Variants in FECH observed in about 807,000 individuals in gnomAD.
FECH encodes ferrochelatase, mitochondrial.
Under a neutral mutation model 56.9 loss-of-function variants are expected in FECH, and 40 were observed. The ratio of observed to expected loss-of-function variants is 0.70; its 90% CI spans 0.55 to 0.92. The LOEUF (loss-of-function observed/expected upper bound fraction) is 0.92. Among genes scored for constraint, FECH ranks in the 40% least tolerant of loss-of-function variants. The pLI, the probability that FECH is intolerant of heterozygous loss-of-function variation, is 0.00. For missense variants in FECH, 431 were observed against 529.1 expected, an observed-to-expected ratio of 0.81 and a Z score of 1.82; for synonymous variants, 175 against 198.6, an observed-to-expected ratio of 0.88 and a Z score of 1.00.
chr18:57,553,764 T>C (rs1790611), intron 9 of FECH, among the ~76,000 whole-genome samples: 91,206 of 151,998 alleles, frequency 0.6, 27,533 homozygotes, highest in South Asian at 0.63. Flanking sequence ...GGAAATCACA[T>C]CACACATTGC....
intron 5 of FECH, among the ~76,000 whole-genome samples, chr18:57,565,954 G>A (rs1303243614): frequency 6.6e-6 from 1 of 152,134 alleles, no homozygotes; most frequent in Admixed American, 6.6e-5. Flanking sequence ...TTCTGCAAAG[G>A]GAACCCCAAA....
rs663774 is a variant in FECH at position 57,546,149 on chromosome 18, C to A, written c.*4563G>T. Among the ~76,000 whole-genome samples the A allele has an allele frequency of 0.77, 117,666 of 152,132 alleles. 47,363 individuals carry two copies. The highest frequency in any genetic ancestry group is 0.92 in the East Asian group (4,754 of 5,180). On this transcript the variant is annotated 3_prime_UTR_variant, in exon 11 of 11. Transcript: ENST00000262093. ...CCATTTCCACCTAACGTTAGGAGCC[C>A]TGTTCCTGGGCCACCTTCAGGATTC... is the stretch of plus-strand genomic sequence containing the variant.
chr18:57,586,674 G>A lies in FECH; in HGVS notation c.-54C>T. On this transcript the variant is annotated 5_prime_UTR_variant, in exon 1 of 11. Coordinates refer to ENST00000262093, the MANE Select transcript of FECH (RefSeq NM_000140.5). ...GCTCCTCCCGCGGCGGCGCGCCCAG[G>A]TGTCCGCCCAGCAGTGGCCGAGCCG... The A allele has an allele frequency of 1.4e-6, 2 of 1,465,642 alleles. No homozygotes were observed. Among genetic ancestry groups the A allele is most frequent in the Non-Finnish European group, 1.8e-6 (2 of 1,107,046 alleles). 90.8% of individuals were successfully genotyped at this position (1,465,642 alleles called of 1,614,324 possible).
At chr18:57,566,128 A>G (rs557109124) in intron 5 of FECH, among the ~76,000 whole-genome samples, 9 of 152,330 alleles carry the variant, frequency 5.9e-5, no homozygotes, top group African/African-American at 1.7e-4. Flanking sequence ...AGCCATAAAA[A>G]GGTTTATCAC....
intron 9 of FECH, among the ~76,000 whole-genome samples, chr18:57,553,116 A>G (rs370013793): frequency 4.1e-4 from 63 of 152,326 alleles, no homozygotes; most frequent in African/African-American, 1.3e-3. Flanking sequence ...ATTTCCAAAC[A>G]TATTGGTATA....
Position 57,546,272 on chromosome 18 carries a change from A to G in FECH, c.*4440T>C, listed in dbSNP as rs953668077. Among the ~76,000 whole-genome samples, 23 of 152,190 alleles carry G rather than the reference A, an allele frequency of 1.5e-4. No homozygotes were observed. Among genetic ancestry groups the G allele is most frequent in the Non-Finnish European group, 4.4e-5 (3 of 68,038 alleles). ...CCTTCACGTGCCCCCGTGCGCACACATAGACGTTCGCTTACAGCTGCCAGC... is the reference window on the plus strand; with the variant it reads ...CCTTCACGTGCCCCCGTGCGCACACGTAGACGTTCGCTTACAGCTGCCAGC... On this transcript the variant is annotated 3_prime_UTR_variant, in exon 11 of 11. Coordinates refer to ENST00000262093, the MANE Select transcript of FECH (RefSeq NM_000140.5).
At chr18:57,571,949 CT>C (rs2051116680) in intron 3 of FECH, among the ~76,000 whole-genome samples, 1 of 152,234 alleles carries the variant, frequency 6.6e-6, no homozygotes, top group African/African-American at 2.4e-5. Flanking sequence ...TATAGATACA[CT>C]TGCATATAGG....
In FECH at chr18:57,580,189, G is replaced by T; in HGVS notation, c.78C>A (p.Ser26Arg). ...TCCATGGCTGACAGACCCTCCAGCT[G>T]CTGGATGCCACTGTGACAAAATTAA... ...GVLLRDPLAS[S>R]SWRVCQPWRW... The change falls in exon 2 of 11, where the codon AGC becomes AGA. Residue 26 changes from serine to arginine, a missense_variant. Coordinates refer to ENST00000262093, the MANE Select transcript of FECH (RefSeq NM_000140.5). 6.2e-7 allele frequency: 1 copy of T among 1,614,190 alleles called. No homozygotes were observed. The highest frequency in any genetic ancestry group is 8.5e-7 in the Non-Finnish European group (1 of 1,180,048).
At position 57,562,858 on chromosome 18, in the gene FECH, G is replaced by T. The variant is rs1286428505; in HGVS notation, c.705+16C>A. ...TAGATGCTGGGGTGACAGGCAGCTGGCAAGCACTGGCTTACCTGGATGAGG... is the reference window on the plus strand; with the variant it reads ...TAGATGCTGGGGTGACAGGCAGCTGTCAAGCACTGGCTTACCTGGATGAGG... On this transcript the variant is annotated intron_variant, in intron 6 of 10. Transcript: ENST00000262093. 6.2e-7 allele frequency: 1 copy of T among 1,605,482 alleles called. No individual in the cohort carries two copies. Among genetic ancestry groups the T allele is most frequent in the Admixed American group, 1.7e-5 (1 of 59,984 alleles).
chr18:57,586,511 C>A, intron 1 of FECH, 43 bp downstream of exon 1: 1 of 1,517,850 alleles, frequency 6.6e-7, no homozygotes, highest in South Asian at 1.2e-5. Flanking sequence ...CACGCCTTCT[C>A]AGGGATCCTG....
chr18:57,546,011 G>A lies in FECH; in HGVS notation c.*4701C>T, dbSNP rs189533607. Among the ~76,000 whole-genome samples, 1 of 152,214 alleles carries A rather than the reference G, an allele frequency of 6.6e-6. No homozygotes were observed. Among genetic ancestry groups the A allele is most frequent in the African/African-American group, 2.4e-5 (1 of 41,538 alleles). On this transcript the variant is annotated 3_prime_UTR_variant, in exon 11 of 11. Coordinates refer to ENST00000262093, the MANE Select transcript of FECH (RefSeq NM_000140.5). Reference sequence around the variant, plus strand: ...GATACTAAAAGTTATCCACACTCAGGTCTCCATTTTGCTATTAAAAATTGA... The same window carrying A: ...GATACTAAAAGTTATCCACACTCAGATCTCCATTTTGCTATTAAAAATTGA...
chr18:57,561,850 A>G (rs983214420), intron 6 of FECH, among the ~76,000 whole-genome samples: 15 of 152,302 alleles, frequency 9.8e-5, no homozygotes, highest in African/African-American at 3.4e-4. Flanking sequence ...GGCTGGACCC[A>G]GCAACACAGC....
chr18:57,583,712 G>A lies in FECH; in HGVS notation c.67+2842C>T, dbSNP rs761241300. Among the ~76,000 whole-genome samples, 28 of 152,194 alleles carry A rather than the reference G, an allele frequency of 1.8e-4. 1 individual carries two copies. Among genetic ancestry groups the A allele is most frequent in the Admixed American group, 5.2e-4 (8 of 15,276 alleles). ...ATGGGGGCTCACGCCTGTAATTCCA[G>A]CACTTTGGGAGGCCGAGGCGGGAGA... On this transcript the variant is annotated intron_variant, in intron 1 of 10. Coordinates refer to ENST00000262093, the MANE Select transcript of FECH (RefSeq NM_000140.5).
chr18:57,545,538 C>A lies in FECH; in HGVS notation c.*5174G>T, dbSNP rs1358099364. Among the ~76,000 whole-genome samples, 1 of 152,172 alleles carries A rather than the reference C, an allele frequency of 6.6e-6. No individual in the cohort carries two copies. The highest frequency in any genetic ancestry group is 1.5e-5 in the Non-Finnish European group (1 of 68,022). On this transcript the variant is annotated 3_prime_UTR_variant, in exon 11 of 11. Transcript: ENST00000262093. ...GTGTTCTCTAGAGGCAACCACCTCCCAGAACTACTCTTTGGCAAGATGCAT... is the reference window on the plus strand; with the variant it reads ...GTGTTCTCTAGAGGCAACCACCTCCAAGAACTACTCTTTGGCAAGATGCAT...
rs1224942422 is a variant in FECH at position 57,580,227 on chromosome 18, A to G, written c.68-28T>C. On this transcript the variant is annotated intron_variant, in intron 1 of 10. Coordinates refer to ENST00000262093, the MANE Select transcript of FECH (RefSeq NM_000140.5). ...GTGACAAAATTAAAGTGCTCGCATG[A>G]AATCTAGCTAGAAAGTAATTTCTTC... The G allele has an allele frequency of 1.9e-6, 3 of 1,613,850 alleles. No individual in the cohort carries two copies. The East Asian group carries it at 6.7e-5, about 36-fold the overall frequency.
At chr18:57,562,061 T>C (rs1365332760) in intron 6 of FECH, among the ~76,000 whole-genome samples, 1 of 152,212 alleles carries the variant, frequency 6.6e-6, no homozygotes, top group East Asian at 1.9e-4. Flanking sequence ...ACACCAGGCT[T>C]CTAAAGAAGT....
intron 2 of FECH, among the ~76,000 whole-genome samples, chr18:57,578,407 G>A (rs534833574): frequency 1.3e-5 from 2 of 152,348 alleles, no homozygotes; most frequent in South Asian, 4.1e-4. Flanking sequence ...GTGGCTCATG[G>A]CTCATGCCTG....
rs759987026 is a variant in FECH at position 57,546,683 on chromosome 18, G to A, written c.*4029C>T. On this transcript the variant is annotated 3_prime_UTR_variant, in exon 11 of 11. Transcript: ENST00000262093. ...AACTTTAAGATTTATTGAGTAGGCC[G>A]GGGATGGTGGCTCACGCCTGTAATC... Among the ~76,000 whole-genome samples, 7 of 152,102 alleles carry A rather than the reference G, an allele frequency of 4.6e-5. No homozygotes were observed. Among genetic ancestry groups the A allele is most frequent in the East Asian group, 1.9e-4 (1 of 5,176 alleles).
At position 57,559,151 on chromosome 18, in the gene FECH, G is replaced by T. The variant is rs536765; in HGVS notation, c.798C>A (p.Pro266=). Residue 266 remains proline, a synonymous_variant, in exon 7 of 11, where the codon CCC becomes CCA. Coordinates refer to ENST00000262093, the MANE Select transcript of FECH (RefSeq NM_000140.5). The part of the protein sequence containing the change: ...VVILFSAHSL[P]MSVVNRGDPY... ...AGAAAATGTTCTTACTTACAGACAT[G>T]GGCAGTGAGTGAGCAGAAAACAGAA... 158 of 1,605,276 alleles carry T rather than the reference G, an allele frequency of 9.8e-5. No homozygotes were observed. In the South Asian group the frequency reaches 1.6e-3, roughly 16 times the overall value.
Sources: allele counts gnomAD v4.1 joint callset (sites outside exome capture counted in the v4.1 genomes callset), GRCh38; gene constraint gnomAD v4.1.1; transcripts MANE v1.5; gene names NCBI Gene and HGNC (gene_info 2026-07-23, HGNC 2026-07-21).